Variants in RNF213 observed in about 807,000 individuals in gnomAD.
RNF213 encodes the protein ring finger protein 213, also known as E3 ubiquitin-protein ligase RNF213.
RNF213 carries 341 observed loss-of-function variants against 514.4 expected under a neutral mutation model. The ratio of observed to expected loss-of-function variants is 0.66; its 90% CI spans 0.61 to 0.73. RNF213 has a LOEUF of 0.73. Ranked by LOEUF, RNF213 falls within the 30% of genes least tolerant of loss-of-function variation. The pLI is 0.00. For synonymous variants in RNF213, 2,655 were observed against 2,658.2 expected (o/e 1.00, Z 0.04); for missense variants, 5,767 against 6,615.6 (o/e 0.87, Z 4.45).
intron 2 of RNF213, among the ~76,000 whole-genome samples, chr17:80,269,369 C>CCCTATCTATCTATCCACCTAT (rs1275588193): frequency 1.2e-3 from 188 of 150,540 alleles, no homozygotes; most frequent in African/African-American, 4.5e-3. Context: ...TGTCCACCTA[C>CCCTATCTATCTATCCACCTAT]CCTATCTATC....
At chr17:80,355,857 C>A (rs1043350814) in intron 36 of RNF213, among the ~76,000 whole-genome samples, 2 of 151,334 alleles carry the variant, frequency 1.3e-5, no homozygotes, top group Non-Finnish European at 2.9e-5. Flanking sequence ...TGGGGACTTA[C>A]AGACACCTTC....
At chr17:80,276,572 C>T (rs74256841) in intron 3 of RNF213, among the ~76,000 whole-genome samples, 6,270 of 151,962 alleles carry the variant, frequency 0.041, 225 homozygotes, top group East Asian at 0.11. Context: ...AGGCCAGGCG[C>T]GGTGGCTCAC....
chr17:80,299,521 A>G (rs2045095036), intron 11 of RNF213, among the ~76,000 whole-genome samples: 1 of 151,286 alleles, frequency 6.6e-6, no homozygotes, highest in Non-Finnish European at 1.5e-5. Flanking sequence ...ACAAGAAAAT[A>G]TTACCAGAGA....
chr17:80,378,469 G>A (rs1456890114), intron 54 of RNF213, among the ~76,000 whole-genome samples: 1 of 152,142 alleles, frequency 6.6e-6, no homozygotes, highest in Non-Finnish European at 1.5e-5. Flanking sequence ...TTACTTACTT[G>A]GTTGAGATAT....
At position 80,377,748 on chromosome 17, in the gene RNF213, T is replaced by TG; in HGVS notation, c.13511-13dup. On this transcript the variant is annotated splice_polypyrimidine_tract_variant and intron_variant, in intron 53 of 67. Coordinates refer to ENST00000582970, the MANE Select transcript of RNF213 (RefSeq NM_001256071.3). The surrounding 1 kb of genome is among the most constrained non-coding windows in gnomAD (Gnocchi z 4.1). ...AAACCTCATTAGCCAATGTGTGTCC[T>TG]GTTCTCTTCACAGCTTGTCCCAACG... The TG allele has an allele frequency of 6.2e-7, 1 of 1,614,196 alleles. No individual in the cohort carries two copies. Among genetic ancestry groups the TG allele is most frequent in the Non-Finnish European group, 8.5e-7 (1 of 1,180,008 alleles).
chr17:80,293,620 A>G (rs9915540), intron 8 of RNF213, among the ~76,000 whole-genome samples: 59,988 of 151,354 alleles, frequency 0.4, 12,570 homozygotes, highest in African/African-American at 0.54. Context: ...TCAGGAGATC[A>G]AGACCATCCT....
Position 80,346,078 on chromosome 17 carries a change from C to CT in RNF213, c.7746dup (p.Gly2583TrpfsTer5), listed in dbSNP as rs751134808. On this transcript the variant is annotated frameshift_variant, in exon 29 of 68. Coordinates refer to ENST00000582970, the MANE Select transcript of RNF213 (RefSeq NM_001256071.3). LOFTEE classifies it high-confidence loss of function. This position sits in a 1 kb window ranked among gnomAD's most constrained non-coding sequence, Gnocchi z 8.1. ...CGAGCCTGATTCCTCTGGTGTGGGA[C>CT]TTTGGACAACTGAGTGACGTTGCTG... 7 of 1,614,130 alleles carry CT rather than the reference C, an allele frequency of 4.3e-6. No individual in the cohort carries two copies. In the Admixed American group the frequency reaches 1.2e-4, roughly 27 times the overall value.
At position 80,288,906 on chromosome 17, in the gene RNF213, C is replaced by A; in HGVS notation, c.933+151C>A. 1 of 1,387,854 alleles carries A rather than the reference C, an allele frequency of 7.2e-7. No homozygotes were observed. Among genetic ancestry groups the A allele is most frequent in the South Asian group, 1.2e-5 (1 of 81,796 alleles). The allele number at this position is 1,387,854 out of a possible 1,614,324, so 86.0% of individuals were successfully genotyped here. A position where few individuals can be genotyped will look rare whatever the true frequency, so the allele number is the denominator to read the frequency against. ...GGCCTTCGGGGTGCTCACATTCCAG[C>A]GGAGAGAGAGTCAGGAAACCGACTT... On this transcript the variant is annotated intron_variant, in intron 5 of 67. Transcript: ENST00000582970. This position sits in a 1 kb window ranked among gnomAD's most constrained non-coding sequence, Gnocchi z 4.9.
chr17:80,337,764 T>A (rs2078030005), intron 24 of RNF213, 38 bp downstream of exon 24: 1 of 1,536,964 alleles, frequency 6.5e-7, no homozygotes, highest in Non-Finnish European at 8.7e-7. Flanking sequence ...CTGCGGCCCT[T>A]CTGCAGGCTG....
intron 20 of RNF213, among the ~76,000 whole-genome samples, 187 bp from the exon 21 acceptor site, chr17:80,331,819 G>T (rs4890008): frequency 0.086 from 13,113 of 152,210 alleles, 1,024 homozygotes; most frequent in African/African-American, 0.21. Flanking sequence ...TCTTTATCAT[G>T]AATATTGGTT....
At chr17:80,313,552 AGGTGATGGT>A (rs2045649245) in intron 15 of RNF213, among the ~76,000 whole-genome samples, 2 of 117,090 alleles carry the variant, frequency 1.7e-5, no homozygotes, top group East Asian at 2.5e-4. Context: ...GACGTAATGG[AGGTGATGGT>A]GGTGATGGTG....
At chr17:80,385,347 C>T (rs180795827) in intron 60 of RNF213, among the ~76,000 whole-genome samples, 176 bp downstream of exon 60, 5 of 152,190 alleles carry the variant, frequency 3.3e-5, no homozygotes, top group Admixed American at 6.5e-5. Context: ...TAGAAGCTTT[C>T]GCCACAGCTG....
In RNF213 at chr17:80,364,508, C is replaced by A; in HGVS notation, c.11826C>A (p.Pro3942=). 1 of 1,614,144 alleles carries A rather than the reference C, an allele frequency of 6.2e-7. No homozygotes were observed. The highest frequency in any genetic ancestry group is 8.5e-7 in the Non-Finnish European group (1 of 1,180,026). ...TCCTAGGAACCGAGAGCCGCGTCCC[C>A]GAGTTACAGGGGCTGGTGACCGAGC... ...HVLLGTESRV[P]ELQGLVTEHV... Residue 3942 remains proline (P), a synonymous_variant, in exon 42 of 68, where the codon CCC becomes CCA. Coordinates refer to ENST00000582970, the MANE Select transcript of RNF213 (RefSeq NM_001256071.3).
At chr17:80,350,631 C>G (rs2078475430) in intron 31 of RNF213, among the ~76,000 whole-genome samples, 1 of 152,150 alleles carries the variant, frequency 6.6e-6, no homozygotes, top group Non-Finnish European at 1.5e-5. Context: ...AGAGCAAGAC[C>G]TCATTTCTAA....
At chr17:80,382,188 TAA>T (rs35569924) in intron 57 of RNF213, 17 of 154,346 alleles carry the variant, frequency 1.1e-4, no homozygotes, top group South Asian at 5.5e-4. Flanking sequence ...ACAGTTATGT[TAA>T]AAAAAAAAAG....
At chr17:80,313,815 GTGA>G (rs1361705973) in intron 15 of RNF213, among the ~76,000 whole-genome samples, 2 of 59,952 alleles carry the variant, frequency 3.3e-5, no homozygotes, top group Non-Finnish European at 3.7e-5. Flanking sequence ...GGTAATGGAG[GTGA>G]TGGTGGTGGT....
intron 42 of RNF213, chr17:80,365,046 T>C: frequency 4.8e-6 from 1 of 208,010 alleles, no homozygotes; most frequent in Non-Finnish European, 1.0e-5. Flanking sequence ...ATAAAGCTAC[T>C]AATGTGGGGT....
chr17:80,374,798 T>C, intron 50 of RNF213: 1 of 573,194 alleles, frequency 1.7e-6, no homozygotes, highest in South Asian at 1.9e-5. Context: ...GCTATGACAG[T>C]TGAGCTGGGT....
chr17:80,354,689 A>C, intron 36 of RNF213, 113 bp downstream of exon 36: 1 of 1,343,078 alleles, frequency 7.4e-7, no homozygotes, highest in Admixed American at 1.9e-5. Flanking sequence ...TTTCTTTCCA[A>C]ACCTCTCAGC....
Sources: allele counts gnomAD v4.1 joint callset (sites outside exome capture counted in the v4.1 genomes callset), GRCh38; gene constraint gnomAD v4.1.1; non-coding constraint Gnocchi (gnomAD v3.1); transcripts MANE v1.5; gene names NCBI Gene and HGNC (gene_info 2026-07-23, HGNC 2026-07-21).